METTL14: variants seen among roughly 807,000 people sequenced by gnomAD.
METTL14 encodes N(6)-adenosine-methyltransferase non-catalytic subunit METTL14.
METTL14 carries 32 observed loss-of-function variants against 62.4 expected under a neutral mutation model. The observed-to-expected ratio is 0.51, with a 90% CI of 0.39 to 0.69. METTL14 has a LOEUF of 0.69. Ranked by LOEUF, METTL14 falls within the 30% of genes least tolerant of loss-of-function variation. The probability of loss-of-function intolerance (pLI) is 0.00; values close to 1 mark genes in which losing one functional copy is unlikely to be tolerated. For synonymous variants in METTL14, 150 were observed against 180.0 expected, an observed-to-expected ratio of 0.83 and a Z score of 1.34; for missense variants, 340 against 551.9, an observed-to-expected ratio of 0.62 and a Z score of 3.85.
At chr4:118,705,956 T>G (rs1054007989) in intron 10 of METTL14, 135 bp downstream of exon 10, 2 of 730,356 alleles carry the variant, frequency 2.7e-6, no homozygotes, top group African/African-American at 3.6e-5. Flanking sequence ...ATGAACAGTT[T>G]CAGGTCCACA....
At chr4:118,704,589 C>T (rs764356971) in intron 9 of METTL14, among the ~76,000 whole-genome samples, 7 of 151,966 alleles carry the variant, frequency 4.6e-5, no homozygotes, top group Non-Finnish European at 7.4e-5. Context: ...ATGAAGCCTC[C>T]GTAAAATCCC....
intron 7 of METTL14, 65 bp downstream of exon 7, chr4:118,697,388 A>T: frequency 7.5e-7 from 1 of 1,336,438 alleles, no homozygotes; most frequent in African/African-American, 1.5e-5. Flanking sequence ...TTATTTGGTC[A>T]GAAAGTGAGA....
intron 10 of METTL14, 114 bp downstream of exon 10, chr4:118,705,935 G>C: frequency 1.2e-6 from 1 of 856,040 alleles, no homozygotes; most frequent in East Asian, 2.5e-5. Context: ...TTTTCTTGCT[G>C]TACTTCAAAT....
intron 7 of METTL14, 76 bp downstream of exon 7, chr4:118,697,399 T>A: frequency 8.0e-7 from 1 of 1,255,024 alleles, no homozygotes; most frequent in Non-Finnish European, 1.1e-6. Context: ...GAAAGTGAGA[T>A]AATAAATATC....
chr4:118,705,008 T>C (rs1484920190), intron 9 of METTL14, among the ~76,000 whole-genome samples: 1 of 152,138 alleles, frequency 6.6e-6, no homozygotes, highest in Non-Finnish European at 1.5e-5. Context: ...ATAGTGTTGA[T>C]GGAGAAGTGG....
chr4:118,708,356 T>C (rs1024272346), intron 10 of METTL14, among the ~76,000 whole-genome samples: 1 of 152,208 alleles, frequency 6.6e-6, no homozygotes, highest in Non-Finnish European at 1.5e-5. Context: ...TTGTTTGTGG[T>C]GTTGTGTTCC....
Position 118,710,385 on chromosome 4 carries a change from A to T in METTL14, c.*83A>T, listed in dbSNP as rs1437980601. 2.3e-6 allele frequency: 3 copies of T among 1,333,064 alleles called. No homozygotes were observed. The highest frequency in any genetic ancestry group is 1.5e-5 in the African/African-American group (1 of 67,756). The allele number at this position is 1,333,064 out of a possible 1,614,324, so 82.6% of individuals were successfully genotyped here. ...TTCAAGTGGGAGACTTAACTTTAGA[A>T]CTCACTTCCAGCTTGCACTTTGCTT... On this transcript the variant is annotated 3_prime_UTR_variant, in exon 11 of 11. Coordinates refer to ENST00000388822, the MANE Select transcript of METTL14 (RefSeq NM_020961.4).
intron 8 of METTL14, among the ~76,000 whole-genome samples, chr4:118,701,050 A>G (rs1016545185): frequency 6.6e-6 from 1 of 152,202 alleles, no homozygotes; most frequent in Non-Finnish European, 1.5e-5. Flanking sequence ...TAAAATTGGA[A>G]AAGTAACACA....
chr4:118,706,343 T>A lies in METTL14; in HGVS notation c.1066+522T>A, dbSNP rs1275383075. On this transcript the variant is annotated intron_variant, in intron 10 of 10. Transcript: ENST00000388822. ...AGAATGTTACATAGTTGGAATCGTA[T>A]AGTATGTAGCCTTTTTAGATTGGCT... Among the ~76,000 whole-genome samples, 5 of 152,260 alleles carry A rather than the reference T, an allele frequency of 3.3e-5. 1 individual carries two copies. Among genetic ancestry groups the A allele is most frequent in the Admixed American group, 3.3e-4 (5 of 15,288 alleles).
intron 8 of METTL14, among the ~76,000 whole-genome samples, chr4:118,702,700 T>A (rs554959489): frequency 6.6e-6 from 1 of 152,082 alleles, no homozygotes; most frequent in East Asian, 1.9e-4. Context: ...CACTTGAACC[T>A]GAGAGGCGGA....
At position 118,710,225 on chromosome 4, in the gene METTL14, T is replaced by A. The variant is rs141195013; in HGVS notation, c.1294T>A (p.Ser432Thr). ...TGGCCGTGGACGAGAAAGAAATAGA[T>A]CTAACTTCCGAGGAGAAAGAGGTGG... ...SAGRGRERNR[S>T]NFRGERGGFR... The change falls in exon 11 of 11, where the codon TCT (serine) becomes ACT (threonine). Residue 432 changes from serine to threonine, a missense_variant. Physicochemically the swap from Ser to Thr is moderately conservative, Grantham distance 58. Coordinates refer to ENST00000388822, the MANE Select transcript of METTL14 (RefSeq NM_020961.4). 1.3e-4 allele frequency: 204 copies of A among 1,614,098 alleles called. No individual in the cohort carries two copies. The African/African-American group carries it at 2.6e-3, about 20-fold the overall frequency.
At chr4:118,691,931 A>G (rs1386575445) in intron 4 of METTL14, 50 bp from the exon 5 acceptor site, 2 of 1,153,780 alleles carry the variant, frequency 1.7e-6, no homozygotes, top group East Asian at 2.4e-5. Context: ...GAGATAATTT[A>G]TCTGCCATTA....
chr4:118,685,567 G>C lies in METTL14; in HGVS notation c.33G>C (p.Arg11=), dbSNP rs764831824. Residue 11 remains arginine, a synonymous_variant, in exon 1 of 11, where the codon CGG becomes CGC. Transcript: ENST00000388822. Reference sequence around the variant, plus strand: ...GCCGCTTGCAGGAGATCCGGGAGCGGCAGAAGTTACGGCGACAGCTCCTCG... The same window carrying C: ...GCCGCTTGCAGGAGATCCGGGAGCGCCAGAAGTTACGGCGACAGCTCCTCG... The part of the protein sequence containing the change: MDSRLQEIRE[R]QKLRRQLLAQ... The C allele has an allele frequency of 2.5e-6, 4 of 1,614,180 alleles. No homozygotes were observed. The highest frequency in any genetic ancestry group is 3.4e-6 in the Non-Finnish European group (4 of 1,180,034).
chr4:118,710,480 T>C lies in METTL14; in HGVS notation c.*178T>C, dbSNP rs987647909. ...AGTTGTCACACACACTGTCTGGTTT[T>C]TTTCAGGATAAATGAATGATTCTGC... On this transcript the variant is annotated 3_prime_UTR_variant, in exon 11 of 11. Coordinates refer to ENST00000388822, the MANE Select transcript of METTL14 (RefSeq NM_020961.4). The C allele has an allele frequency of 5.0e-6, 3 of 605,574 alleles. No individual in the cohort carries two copies. The highest frequency in any genetic ancestry group is 8.8e-4 in the Middle Eastern group (2 of 2,278). The allele number at this position is 605,574 out of a possible 1,614,324, so 37.5% of individuals were successfully genotyped here. A position where few individuals can be genotyped will look rare whatever the true frequency, so the allele number is the denominator to read the frequency against.
chr4:118,685,531 G>A lies in METTL14; in HGVS notation c.-4G>A. The stretch of plus-strand genomic sequence containing the variant: ...TCGGGATAGTGAAAAGCCGGAGTTG[G>A]AACATGGATAGCCGCTTGCAGGAGA... On this transcript the variant is annotated 5_prime_UTR_variant, in exon 1 of 11. Coordinates refer to ENST00000388822, the MANE Select transcript of METTL14 (RefSeq NM_020961.4). 6.2e-7 allele frequency: 1 copy of A among 1,614,102 alleles called. No homozygotes were observed. The highest frequency in any genetic ancestry group is 1.1e-5 in the South Asian group (1 of 91,072).
chr4:118,710,358 A>G lies in METTL14; in HGVS notation c.*56A>G. 2 of 1,484,504 alleles carry G rather than the reference A, an allele frequency of 1.3e-6. No individual in the cohort carries two copies. The highest frequency in any genetic ancestry group is 5.0e-4 in the Middle Eastern group (2 of 3,988). The allele number at this position is 1,484,504 out of a possible 1,614,324, so 92.0% of individuals were successfully genotyped here. A position where few individuals can be genotyped will look rare whatever the true frequency, so the allele number is the denominator to read the frequency against. ...CTCTAACCTTCTTTATTGTAATTAA[A>G]TTTCAAGTGGGAGACTTAACTTTAG... On this transcript the variant is annotated 3_prime_UTR_variant, in exon 11 of 11. Transcript: ENST00000388822.
intron 7 of METTL14, among the ~76,000 whole-genome samples, chr4:118,699,045 A>C (rs1160181185): frequency 4.6e-5 from 7 of 152,196 alleles, no homozygotes; most frequent in African/African-American, 1.4e-4. Flanking sequence ...ATGTAATGGA[A>C]ACCAAGGGAA....
chr4:118,692,253 C>G (rs1399203075), intron 5 of METTL14, among the ~76,000 whole-genome samples, 185 bp downstream of exon 5: 1 of 146,482 alleles, frequency 6.8e-6, no homozygotes, highest in Non-Finnish European at 1.5e-5. Flanking sequence ...GAGACAGAGC[C>G]TTGCTGTGTT....
At position 118,710,339 on chromosome 4, in the gene METTL14, C is replaced by G; in HGVS notation, c.*37C>G. The G allele has an allele frequency of 6.5e-7, 1 of 1,544,006 alleles. No homozygotes were observed. Among genetic ancestry groups the G allele is most frequent in the Non-Finnish European group, 8.7e-7 (1 of 1,146,252 alleles). ...ATTGAACCTATTCATCCTCCTCTAA[C>G]CTTCTTTATTGTAATTAAATTTCAA... On this transcript the variant is annotated 3_prime_UTR_variant, in exon 11 of 11. Transcript: ENST00000388822.
Sources: gnomAD v4.1 joint callset for allele counts (sites outside exome capture counted in the v4.1 genomes callset) on GRCh38, gnomAD v4.1.1 for gene constraint, MANE v1.5 for transcripts, NCBI Gene and HGNC (gene_info 2026-07-23, HGNC 2026-07-21) for gene names.